RANBP2: variants seen among roughly 807,000 people sequenced by gnomAD.
The protein encoded by RANBP2 is E3 SUMO-protein ligase RanBP2.
A neutral mutation model predicts 303.6 loss-of-function variants in RANBP2; 57 were observed. That is an observed-to-expected ratio of 0.19 (90% confidence interval 0.15 to 0.23). RANBP2 has a LOEUF of 0.23. RANBP2 is among the 10% of genes least tolerant of loss of function. The pLI, the probability that RANBP2 is intolerant of heterozygous loss-of-function variation, is 1.00. For synonymous variants in RANBP2, 1,167 were observed against 1,301.5 expected, an observed-to-expected ratio of 0.90 and a Z score of 2.23; for missense variants, 3,138 against 3,780.8, an observed-to-expected ratio of 0.83 and a Z score of 4.46.
chr2:108,883,908 A>G, the RANBP2 span: 1 of 148,456 alleles, frequency 6.7e-6, no homozygotes, highest in Non-Finnish European at 1.5e-5. Flanking sequence ...ACTCCTAAAT[A>G]ATGTGAACTT....
chr2:109,041,836 C>T, the RANBP2 span, among the ~76,000 whole-genome samples: 17 of 151,890 alleles, frequency 1.1e-4, 1 homozygote, highest in South Asian at 3.3e-3. Flanking sequence ...CCAACCCGCC[C>T]GGCCTGATGG....
chr2:109,526,305 CTTTTTAT>C, the RANBP2 span, among the ~76,000 whole-genome samples: 19 of 152,096 alleles, frequency 1.2e-4, no homozygotes, highest in South Asian at 4.1e-4. Context: ...CTCTCACCTC[CTTTTTAT>C]TTTTTATTTT....
the RANBP2 span, chr2:108,910,606 C>T: frequency 6.9e-7 from 1 of 1,440,250 alleles, no homozygotes; most frequent in Non-Finnish European, 9.7e-7. Context: ...CCCAACCCTG[C>T]TCTTCCTGTT....
At chr2:109,541,220 C>A in the RANBP2 span, among the ~76,000 whole-genome samples, 1 of 152,192 alleles carries the variant, frequency 6.6e-6, no homozygotes, top group Non-Finnish European at 1.5e-5. Context: ...AATGCAAGAA[C>A]CTGAGATCCC....
chr2:109,164,143 G>T, the RANBP2 span, among the ~76,000 whole-genome samples: 2 of 151,878 alleles, frequency 1.3e-5, no homozygotes, highest in Non-Finnish European at 2.9e-5. Context: ...ATTATTTTTG[G>T]TCCAGGAAAA....
rs531885753 is a variant in RANBP2, at chr2:108,764,666, A to G, written c.4127A>G (p.Gln1376Arg). 6.2e-7 allele frequency: 1 copy of G among 1,614,088 alleles called. No homozygotes were observed. Among genetic ancestry groups the G allele is most frequent in the African/African-American group, 1.3e-5 (1 of 75,040 alleles). The stretch of plus-strand genomic sequence containing the variant: ...ACTGCTAAGAAATGTGTATCATGCC[A>G]AAATCTAAACCCAAGCAATAAAGAG... The part of the protein sequence containing the change: ...ASTAKKCVSC[Q>R]NLNPSNKELV... Residue 1376 changes from glutamine to arginine, a missense_variant, in exon 20 of 29, where the codon CAA becomes CGA. Around this residue, in one of 20 missense-constraint regions of RANBP2, gnomAD observed 388 missense variants for 328.5 expected, o/e 1.18. Coordinates refer to ENST00000283195, the MANE Select transcript of RANBP2 (RefSeq NM_006267.5).
At chr2:109,003,214 A>AAAT in the RANBP2 span, among the ~76,000 whole-genome samples, 1 of 150,494 alleles carries the variant, frequency 6.6e-6, no homozygotes, top group East Asian at 2.0e-4. Context: ...TCAAAAAAAA[A>AAAT]AAAAAAAAAA....
At chr2:109,744,406 T>C in the RANBP2 span, among the ~76,000 whole-genome samples, 2 of 98,864 alleles carry the variant, frequency 2.0e-5, no homozygotes, top group Non-Finnish European at 5.2e-5. Context: ...TCTTAGGCAC[T>C]TATATGTTTT....
chr2:109,412,117 G>A, the RANBP2 span, among the ~76,000 whole-genome samples: 1 of 152,234 alleles, frequency 6.6e-6, no homozygotes, highest in African/African-American at 2.4e-5. Flanking sequence ...GGCAGTCGGT[G>A]GATGCCGGCA....
At chr2:108,923,222 G>A in the RANBP2 span, 1 of 796,324 alleles carries the variant, frequency 1.3e-6, no homozygotes, top group East Asian at 2.6e-5. Context: ...GACCTGCCTG[G>A]ACAGGCCACA....
the RANBP2 span, among the ~76,000 whole-genome samples, chr2:109,308,156 C>T: frequency 8.5e-5 from 12 of 141,236 alleles, no homozygotes; most frequent in Non-Finnish European, 1.8e-4. Context: ...TTTTGATTTG[C>T]ATTTCCCTGA....
chr2:109,260,833 C>T, the RANBP2 span, among the ~76,000 whole-genome samples: 1 of 152,204 alleles, frequency 6.6e-6, no homozygotes, highest in South Asian at 2.1e-4. Flanking sequence ...GGACTTCTTC[C>T]TCCCCTACAG....
At chr2:109,127,713 T>C in the RANBP2 span, 20 of 152,232 alleles carry the variant, frequency 1.3e-4, no homozygotes, top group African/African-American at 4.8e-4. Flanking sequence ...TAGCCAGGCG[T>C]GGTGGCGCAC....
the RANBP2 span, chr2:108,794,548 C>A: frequency 6.3e-7 from 1 of 1,592,264 alleles, no homozygotes; most frequent in Non-Finnish European, 8.6e-7. Flanking sequence ...AGTTGCCTTG[C>A]CAACTAATAC....
chr2:109,546,974 G>C, the RANBP2 span, among the ~76,000 whole-genome samples: 1 of 152,222 alleles, frequency 6.6e-6, no homozygotes, highest in African/African-American at 2.4e-5. Context: ...CTAAGAAGCA[G>C]CAGATACAGG....
the RANBP2 span, among the ~76,000 whole-genome samples, chr2:108,861,841 C>T: frequency 2.6e-5 from 4 of 152,102 alleles, no homozygotes; most frequent in African/African-American, 9.7e-5. Context: ...CCAGCCTAAA[C>T]TTTCTTCTTA....
chr2:109,484,130 G>A, the RANBP2 span, among the ~76,000 whole-genome samples: 12 of 148,834 alleles, frequency 8.1e-5, no homozygotes, highest in African/African-American at 2.5e-4. Context: ...GTGCAGTGGC[G>A]TGATCTTGTC....
At chr2:109,690,844 C>T in the RANBP2 span, among the ~76,000 whole-genome samples, 1 of 152,144 alleles carries the variant, frequency 6.6e-6, no homozygotes, top group Admixed American at 6.5e-5. Context: ...TTTCCCTTTG[C>T]CCCACCTTCT....
At chr2:108,752,314 CTA>C (rs997396147) in intron 12 of RANBP2, among the ~76,000 whole-genome samples, 2 of 151,702 alleles carry the variant, frequency 1.3e-5, no homozygotes, top group African/African-American at 4.8e-5. Context: ...ATAGATCTTT[CTA>C]TATACTTAAG....
Sources: gnomAD v4.1 joint callset for allele counts (sites outside exome capture counted in the v4.1 genomes callset) on GRCh38, gnomAD v4.1.1 for gene constraint, gnomAD v4.1.1 regional missense constraint, MANE v1.5 for transcripts, NCBI Gene and HGNC (gene_info 2026-07-23, HGNC 2026-07-21) for gene names.